Variants in UNC80 observed in about 807,000 individuals in gnomAD.
The protein encoded by UNC80 is protein unc-80 homolog.
In UNC80, 164 loss-of-function variants were observed where a neutral mutation model predicts 384.6. The observed-to-expected ratio is 0.43, with a 90% CI of 0.38 to 0.49. The LOEUF (loss-of-function observed/expected upper bound fraction) is 0.49. UNC80 is among the 20% of genes least tolerant of loss of function. The pLI, the probability that UNC80 is intolerant of heterozygous loss-of-function variation, is 0.00. For missense variants in UNC80, 3,330 were observed against 4,143.0 expected (o/e 0.80, Z 5.39); for synonymous variants, 1,486 against 1,527.8 (o/e 0.97, Z 0.64).
chr2:209,790,430 G>A (rs944447143), intron 6 of UNC80, among the ~76,000 whole-genome samples: 2 of 152,202 alleles, frequency 1.3e-5, no homozygotes, highest in Non-Finnish European at 2.9e-5. Context: ...ACTAAGTACA[G>A]ACGCTGTGAT....
At chr2:209,904,392 C>G (rs1464813760) in intron 28 of UNC80, among the ~76,000 whole-genome samples, 1 of 152,208 alleles carries the variant, frequency 6.6e-6, no homozygotes, top group Non-Finnish European at 1.5e-5. Context: ...GAATTTCTCA[C>G]CAGTCTATGC....
At chr2:209,989,861 C>A (rs1158718654) in intron 61 of UNC80, among the ~76,000 whole-genome samples, 1 of 152,166 alleles carries the variant, frequency 6.6e-6, no homozygotes, top group Non-Finnish European at 1.5e-5. Context: ...AATTTTTTGG[C>A]TGCTTATTCC....
At chr2:209,951,753 A>C (rs1471438508) in intron 47 of UNC80, among the ~76,000 whole-genome samples, 1 of 152,152 alleles carries the variant, frequency 6.6e-6, no homozygotes, top group Admixed American at 6.5e-5. Flanking sequence ...AGCTTTCAAT[A>C]ATTTTAGAAA....
At chr2:209,876,898 T>A (rs1021573600) in intron 23 of UNC80, among the ~76,000 whole-genome samples, 2 of 152,142 alleles carry the variant, frequency 1.3e-5, no homozygotes, top group African/African-American at 4.8e-5. Flanking sequence ...CACTCAAAAA[T>A]GTCTTTTCAT....
At chr2:209,967,043 A>G (rs966361762) in intron 51 of UNC80, among the ~76,000 whole-genome samples, 4 of 152,270 alleles carry the variant, frequency 2.6e-5, no homozygotes, top group African/African-American at 9.6e-5. Flanking sequence ...CATTAAAGTT[A>G]GTTCTCTTTT....
chr2:209,933,783 T>G, intron 38 of UNC80, 39 bp from the exon 39 acceptor site: 1 of 1,493,116 alleles, frequency 6.7e-7, no homozygotes, highest in Non-Finnish European at 9.0e-7. Flanking sequence ...AGCTCGGGAT[T>G]ATTGTAGCTT....
chr2:209,808,729 T>C (rs893440025), intron 7 of UNC80: 1 of 73,420 alleles, frequency 1.4e-5, no homozygotes, highest in South Asian at 1.2e-4. Context: ...CACTCATTGC[T>C]CCAAGGCTCG....
At chr2:209,885,419 C>T (rs748300121) in intron 25 of UNC80, among the ~76,000 whole-genome samples, 6 of 152,032 alleles carry the variant, frequency 3.9e-5, no homozygotes, top group African/African-American at 9.7e-5. Context: ...TGAAAGACTA[C>T]GTAGGATTTG....
In UNC80 at chr2:209,998,538, G is replaced by C. The variant is rs960131678; in HGVS notation, c.*2943G>C. On this transcript the variant is annotated 3_prime_UTR_variant, in exon 65 of 65. Coordinates refer to ENST00000673920, the MANE Select transcript of UNC80 (RefSeq NM_001371986.1). ...CTGGTTTGCTGTTTCAAGCCTCCAAGAGTACCTTAAACAAGGTGATAGCTC... is the reference window on the plus strand; with the variant it reads ...CTGGTTTGCTGTTTCAAGCCTCCAACAGTACCTTAAACAAGGTGATAGCTC... The C allele has an allele frequency of 1.3e-5, 2 of 152,232 alleles. No homozygotes were observed. The highest frequency in any genetic ancestry group is 4.8e-5 in the African/African-American group (2 of 41,444). 9.4% of individuals were successfully genotyped at this position (152,232 alleles called of 1,614,324 possible).
intron 60 of UNC80, 37 bp downstream of exon 60, chr2:209,982,354 G>A (rs2093177935): frequency 2.0e-6 from 3 of 1,487,290 alleles, no homozygotes; most frequent in African/African-American, 1.4e-5. Flanking sequence ...CTGCATTTGG[G>A]GGCAAAGTTA....
chr2:209,930,350 C>T (rs1280737064), intron 37 of UNC80, among the ~76,000 whole-genome samples: 3 of 152,044 alleles, frequency 2.0e-5, no homozygotes, highest in Non-Finnish European at 4.4e-5. Flanking sequence ...TGTCAGACCA[C>T]CTTGTAAGAA....
chr2:209,893,384 T>C (rs1476073543), intron 26 of UNC80, among the ~76,000 whole-genome samples: 1 of 152,222 alleles, frequency 6.6e-6, no homozygotes, highest in Non-Finnish European at 1.5e-5. Context: ...TGCTGTTGAT[T>C]TAAAGAAAGA....
At position 209,904,945 on chromosome 2, in the gene UNC80, C is replaced by T. The variant is rs1018832516; in HGVS notation, c.4762C>T (p.Arg1588Trp). Residue 1588 changes from arginine to tryptophan, a missense_variant, in exon 29 of 65, where the codon CGG becomes TGG. Physicochemically the swap from Arg to Trp is moderately radical, Grantham distance 101. Around this residue, in one of 8 missense-constraint regions of UNC80, gnomAD observed 801 missense variants for 950.8 expected, o/e 0.84. Transcript: ENST00000673920. ...CAGCAACATCAGCAGTGTGGCTCTC[C>T]GGGGCAAGAAACAGAAAGAAGTAAG... ...ESSNISSVAL[R>W]GKKQKECSDK... is the part of the protein sequence containing the mutation. The T allele has an allele frequency of 1.5e-5, 24 of 1,551,432 alleles. No homozygotes were observed. Among genetic ancestry groups the T allele is most frequent in the African/African-American group, 5.5e-5 (4 of 72,978 alleles).
intron 61 of UNC80, among the ~76,000 whole-genome samples, chr2:209,990,096 C>T (rs1333938251): frequency 6.6e-6 from 1 of 152,062 alleles, no homozygotes. Flanking sequence ...GCCTCTCTAT[C>T]CATAGAGAAA....
chr2:209,775,330 T>C (rs935739567), intron 2 of UNC80, among the ~76,000 whole-genome samples: 1 of 152,182 alleles, frequency 6.6e-6, no homozygotes, highest in Admixed American at 6.5e-5. Context: ...TCCACAGATA[T>C]ATTAAGTATC....
intron 7 of UNC80, chr2:209,809,230 C>T: frequency 1.4e-6 from 1 of 693,432 alleles, no homozygotes; most frequent in Non-Finnish European, 2.7e-6. Context: ...CAAGGATTCC[C>T]AGTTTCAAAA....
chr2:209,967,417 T>C lies in UNC80; in HGVS notation c.7806-20T>C, dbSNP rs1371630852. Reference sequence around the variant, plus strand: ...CTAAGCTTATACTTTAAAATATATATACATATATATATATTTTAGGTTGGC... The same window carrying C: ...CTAAGCTTATACTTTAAAATATATACACATATATATATATTTTAGGTTGGC... On this transcript the variant is annotated intron_variant, in intron 51 of 64. Coordinates refer to ENST00000673920, the MANE Select transcript of UNC80 (RefSeq NM_001371986.1). 2.0e-6 allele frequency: 3 copies of C among 1,468,826 alleles called. No individual in the cohort carries two copies. The highest frequency in any genetic ancestry group is 4.8e-5 in the Admixed American group (2 of 41,434). The allele number at this position is 1,468,826 out of a possible 1,614,324, so 91.0% of individuals were successfully genotyped here. A position where few individuals can be genotyped will look rare whatever the true frequency, so the allele number is the denominator to read the frequency against.
In UNC80 at chr2:209,939,742, T is replaced by C. The variant is rs374362510; in HGVS notation, c.6646+90T>C. On this transcript the variant is annotated intron_variant, in intron 43 of 64. Transcript: ENST00000673920. ...AATTTTATTATTATTATACTTTAAG[T>C]TTTAGGGTACATGTGCTCAACGTGC... 6.9e-5 allele frequency: 85 copies of C among 1,233,760 alleles called. No homozygotes were observed. The East Asian group carries it at 1.8e-3, about 25-fold the overall frequency. The allele number at this position is 1,233,760 out of a possible 1,614,324, so 76.4% of individuals were successfully genotyped here.
chr2:209,842,321 T>C (rs895318309), intron 20 of UNC80, 29 bp from the exon 21 acceptor site: 3 of 1,489,304 alleles, frequency 2.0e-6, no homozygotes, highest in Admixed American at 4.2e-5. Flanking sequence ...ATCTTATCTC[T>C]CTACTTTCCT....
Sources: gnomAD v4.1 joint callset for allele counts (sites outside exome capture counted in the v4.1 genomes callset) on GRCh38, gnomAD v4.1.1 for gene constraint, gnomAD v4.1.1 regional missense constraint, MANE v1.5 for transcripts, NCBI Gene and HGNC (gene_info 2026-07-23, HGNC 2026-07-21) for gene names.